CHSY3: variants seen among roughly 807,000 people sequenced by gnomAD.
CHSY3 encodes N-acetylgalactosaminyl-proteoglycan 3-beta-glucuronosyltransferase 3.
Under a neutral mutation model 67.2 loss-of-function variants are expected in CHSY3, and 35 were observed. The ratio of observed to expected loss-of-function variants is 0.52; its 90% CI spans 0.40 to 0.69. CHSY3 has a LOEUF of 0.69. Among genes scored for constraint, CHSY3 ranks in the 30% least tolerant of loss-of-function variants. The probability of loss-of-function intolerance (pLI) is 0.00; values close to 1 mark genes in which losing one functional copy is unlikely to be tolerated. For missense variants in CHSY3, 1,069 were observed against 1,138.5 expected (o/e 0.94, Z 0.88); for synonymous variants, 474 against 434.7 (o/e 1.09, Z -1.12).
At chr5:130,079,220 C>A (rs1378899888) in intron 2 of CHSY3, among the ~76,000 whole-genome samples, 1 of 152,116 alleles carries the variant, frequency 6.6e-6, no homozygotes, top group Non-Finnish European at 1.5e-5. Context: ...GGACAAAGCT[C>A]AAAGCTGAGG....
chr5:130,149,167 A>C (rs1769160363), intron 2 of CHSY3, among the ~76,000 whole-genome samples: 1 of 152,064 alleles, frequency 6.6e-6, no homozygotes, highest in Non-Finnish European at 1.5e-5. Context: ...CCAATTGCAA[A>C]GTTGCTTCCA....
chr5:130,178,677 T>G (rs1190739312), intron 2 of CHSY3, among the ~76,000 whole-genome samples: 1 of 152,142 alleles, frequency 6.6e-6, no homozygotes, highest in Non-Finnish European at 1.5e-5. Context: ...CTATCCTTAA[T>G]AAACTGCTCA....
rs527560935 is a variant in CHSY3, at chr5:129,934,537, A to G, written c.1086+26177A>G. ...TGTAGTTCTGTGATTATGATAGCCT[A>G]TTAGGAAGGTAACTGGAGCAGCAGT... is the stretch of plus-strand genomic sequence containing the variant. On this transcript the variant is annotated intron_variant, in intron 2 of 2. Coordinates refer to ENST00000305031, the MANE Select transcript of CHSY3 (RefSeq NM_175856.5). Among the ~76,000 whole-genome samples the G allele has an allele frequency of 2.6e-5, 4 of 152,272 alleles. No individual in the cohort carries two copies. In the East Asian group the frequency reaches 7.7e-4, roughly 29 times the overall value.
chr5:130,102,655 C>T (rs1767285127), intron 2 of CHSY3, among the ~76,000 whole-genome samples: 1 of 152,010 alleles, frequency 6.6e-6, no homozygotes, highest in African/African-American at 2.4e-5. Context: ...GGTATAAGAG[C>T]ATGATTAATT....
chr5:130,089,433 TTA>T (rs1766799627), intron 2 of CHSY3, among the ~76,000 whole-genome samples: 1 of 152,002 alleles, frequency 6.6e-6, no homozygotes, highest in Non-Finnish European at 1.5e-5. Flanking sequence ...AAACTTCATT[TTA>T]ATAGATTAAT....
intron 2 of CHSY3, among the ~76,000 whole-genome samples, chr5:129,919,203 A>G (rs989868573): frequency 1.3e-5 from 2 of 151,976 alleles, no homozygotes; most frequent in African/African-American, 4.8e-5. Flanking sequence ...TACACATTGA[A>G]GGTCTTATTT....
At chr5:130,052,139 C>A (rs939306815) in intron 2 of CHSY3, 5 of 152,202 alleles carry the variant, frequency 3.3e-5, no homozygotes, top group Non-Finnish European at 7.3e-5. Context: ...TCCCACAGCT[C>A]CTGCTCTGCA....
chr5:130,045,286 T>C (rs565011903), intron 2 of CHSY3, among the ~76,000 whole-genome samples: 2 of 152,242 alleles, frequency 1.3e-5, no homozygotes, highest in South Asian at 4.1e-4. Flanking sequence ...TAGGGAGAGC[T>C]AGTAAAACAA....
chr5:130,089,430 A>T (rs1325944237), intron 2 of CHSY3, among the ~76,000 whole-genome samples: 1 of 152,084 alleles, frequency 6.6e-6, no homozygotes, highest in African/African-American at 2.4e-5. Flanking sequence ...CAGAAACTTC[A>T]TTTTAATAGA....
At chr5:129,959,677 G>T (rs2149606722) in intron 2 of CHSY3, among the ~76,000 whole-genome samples, 1 of 152,208 alleles carries the variant, frequency 6.6e-6, no homozygotes, top group South Asian at 2.1e-4. Context: ...TCCATAGATA[G>T]CATGTTTAGA....
intron 2 of CHSY3, among the ~76,000 whole-genome samples, chr5:130,024,031 A>C (rs1764468325): frequency 6.6e-6 from 1 of 151,124 alleles, no homozygotes; most frequent in East Asian, 2.0e-4. Context: ...TAAACAGTTT[A>C]TTCCACTTAA....
chr5:129,959,828 T>C (rs1395826520), intron 2 of CHSY3, among the ~76,000 whole-genome samples: 2 of 152,134 alleles, frequency 1.3e-5, no homozygotes, highest in Non-Finnish European at 2.9e-5. Context: ...TCTTTTTCCT[T>C]TTATTGCAAG....
At chr5:130,000,697 C>T (rs929248770) in intron 2 of CHSY3, among the ~76,000 whole-genome samples, 6 of 148,242 alleles carry the variant, frequency 4.0e-5, no homozygotes, top group Non-Finnish European at 5.9e-5. Context: ...CTGAGCTCCC[C>T]GAGTAGCTGG....
At chr5:130,101,526 C>T (rs1767245290) in intron 2 of CHSY3, among the ~76,000 whole-genome samples, 1 of 151,992 alleles carries the variant, frequency 6.6e-6, no homozygotes, top group African/African-American at 2.4e-5. Context: ...TATATGTAGA[C>T]ATTGTGGAAC....
chr5:130,120,083 T>A lies in CHSY3; in HGVS notation c.1087-64146T>A, dbSNP rs145684021. On this transcript the variant is annotated intron_variant, in intron 2 of 2. Coordinates refer to ENST00000305031, the MANE Select transcript of CHSY3 (RefSeq NM_175856.5). Reference sequence around the variant, plus strand: ...AATTAAACTATCAAACCCATCCATATAACCTTAAAGAACACAAATATAAAA... The same window carrying A: ...AATTAAACTATCAAACCCATCCATAAAACCTTAAAGAACACAAATATAAAA... Among the ~76,000 whole-genome samples the A allele has an allele frequency of 3.7e-4, 56 of 152,260 alleles. No individual in the cohort carries two copies. In the East Asian group the frequency reaches 5.6e-3, roughly 15 times the overall value.
At chr5:130,068,154 A>G (rs1471294097) in intron 2 of CHSY3, among the ~76,000 whole-genome samples, 1 of 152,188 alleles carries the variant, frequency 6.6e-6, no homozygotes, top group African/African-American at 2.4e-5. Flanking sequence ...TTTCCAGCCA[A>G]CAACTAAGTG....
chr5:130,119,070 G>C (rs1390022644), intron 2 of CHSY3, among the ~76,000 whole-genome samples: 1 of 152,092 alleles, frequency 6.6e-6, no homozygotes, highest in Non-Finnish European at 1.5e-5. Context: ...CACTATCCTA[G>C]GAAGTTGAGG....
chr5:130,109,540 C>T (rs1476800489), intron 2 of CHSY3, among the ~76,000 whole-genome samples: 1 of 151,732 alleles, frequency 6.6e-6, no homozygotes, highest in African/African-American at 2.4e-5. Context: ...ACAAAACACA[C>T]AATTGTTAGG....
chr5:129,945,791 T>C (rs1223338904), intron 2 of CHSY3, among the ~76,000 whole-genome samples: 1 of 152,212 alleles, frequency 6.6e-6, no homozygotes, highest in African/African-American at 2.4e-5. Context: ...GATTTTTGAT[T>C]CTGTTTCTTT....
Sources: gnomAD v4.1 joint callset for allele counts (sites outside exome capture counted in the v4.1 genomes callset) on GRCh38, gnomAD v4.1.1 for gene constraint, MANE v1.5 for transcripts, NCBI Gene and HGNC (gene_info 2026-07-23, HGNC 2026-07-21) for gene names.